The following MCTP1 variants were observed in gnomAD, a reference collection of about 807,000 sequenced individuals.
MCTP1 encodes multiple C2 and transmembrane domain-containing protein 1.
Under a neutral mutation model 120.6 loss-of-function variants are expected in MCTP1, and 69 were observed. The observed-to-expected ratio is 0.57, with a 90% CI of 0.47 to 0.70. The LOEUF is 0.70. Ranked by LOEUF, MCTP1 falls within the 30% of genes least tolerant of loss-of-function variation. The probability of loss-of-function intolerance (pLI) is 0.00; values close to 1 mark genes in which losing one functional copy is unlikely to be tolerated. For synonymous variants in MCTP1, 529 were observed against 493.1 expected (o/e 1.07, Z -0.96); for missense variants, 1,203 against 1,248.8 (o/e 0.96, Z 0.55).
At chr5:94,825,770 T>C (rs187793140) in intron 17 of MCTP1, among the ~76,000 whole-genome samples, 294 of 151,124 alleles carry the variant, frequency 1.9e-3, no homozygotes, top group African/African-American at 6.1e-3. Context: ...TATACATATA[T>C]ACACACACAC....
chr5:94,931,293 C>T (rs971218366), intron 6 of MCTP1: 5 of 151,950 alleles, frequency 3.3e-5, no homozygotes, highest in Non-Finnish European at 5.9e-5. Flanking sequence ...CAAGTAAAAT[C>T]GTTTTGATTT....
chr5:95,147,373 A>G (rs1760490358), intron 1 of MCTP1, among the ~76,000 whole-genome samples: 1 of 152,324 alleles, frequency 6.6e-6, no homozygotes, highest in Admixed American at 6.5e-5. Flanking sequence ...GGCGTGAGCC[A>G]CCGCGCCCAG....
intron 9 of MCTP1, among the ~76,000 whole-genome samples, chr5:94,911,899 A>T (rs2153441022): frequency 6.6e-6 from 1 of 152,336 alleles, no homozygotes; most frequent in African/African-American, 2.4e-5. Context: ...TGGACAAGGC[A>T]GTATTCTAAG....
intron 1 of MCTP1, among the ~76,000 whole-genome samples, chr5:95,268,453 T>C (rs1759085801): frequency 1.3e-5 from 2 of 152,138 alleles, no homozygotes; most frequent in Admixed American, 6.6e-5. Flanking sequence ...TGAGCAGATG[T>C]AGGGGATCGA....
chr5:94,890,976 G>A (rs1802453211), intron 11 of MCTP1, among the ~76,000 whole-genome samples: 2 of 152,134 alleles, frequency 1.3e-5, no homozygotes, highest in Non-Finnish European at 2.9e-5. Context: ...TGTTACTAGA[G>A]TAAAAAGCAT....
At chr5:95,056,167 G>T (rs1261890824) in intron 1 of MCTP1, among the ~76,000 whole-genome samples, 1 of 152,080 alleles carries the variant, frequency 6.6e-6, no homozygotes, top group Non-Finnish European at 1.5e-5. Context: ...GTTCTTTGTT[G>T]GCTTGAATTT....
chr5:94,711,538 G>C (rs137908844), intron 20 of MCTP1, among the ~76,000 whole-genome samples: 1 of 152,222 alleles, frequency 6.6e-6, no homozygotes, highest in Non-Finnish European at 1.5e-5. Context: ...CTTCCCAGAA[G>C]TACATAGATA....
At chr5:95,255,618 GAAC>G (rs1047079605) in intron 1 of MCTP1, among the ~76,000 whole-genome samples, 2 of 152,066 alleles carry the variant, frequency 1.3e-5, no homozygotes, top group African/African-American at 4.8e-5. Flanking sequence ...GATACACTGA[GAAC>G]AACTGAGAAG....
At position 95,017,031 on chromosome 5, in the gene MCTP1, C is replaced by A. The variant is rs1357438448; in HGVS notation, c.838+336G>T. Among the ~76,000 whole-genome samples the A allele has an allele frequency of 2.0e-5, 3 of 152,030 alleles. No homozygotes were observed. The East Asian group carries it at 5.8e-4, about 29-fold the overall frequency. ...TATAGCAAAAAGAATTTCAGGTCTA[C>A]CAAAAGGTAAGTTCTGACATGGCTT... On this transcript the variant is annotated intron_variant, in intron 2 of 22. Coordinates refer to ENST00000515393, the MANE Select transcript of MCTP1 (RefSeq NM_024717.7).
chr5:95,098,797 A>G (rs1194400730), intron 1 of MCTP1, among the ~76,000 whole-genome samples: 21 of 151,976 alleles, frequency 1.4e-4, no homozygotes, highest in Non-Finnish European at 2.7e-4. Context: ...GAACCAAAAA[A>G]GAGCCCACAT....
At chr5:95,062,850 C>T (rs912946094) in intron 1 of MCTP1, among the ~76,000 whole-genome samples, 1 of 152,024 alleles carries the variant, frequency 6.6e-6, no homozygotes, top group Non-Finnish European at 1.5e-5. Flanking sequence ...TAGGGTCTTG[C>T]TCTGTGGCTC....
rs770565652 is a variant in MCTP1, at chr5:94,912,925, A to G, written c.1402T>C (p.Trp468Arg). The G allele has an allele frequency of 6.2e-7, 1 of 1,604,838 alleles. No homozygotes were observed. Among genetic ancestry groups the G allele is most frequent in the South Asian group, 1.1e-5 (1 of 89,450 alleles). Reference sequence around the variant, plus strand: ...AAGGTGATGCTGACTATTCCTCTCCAAAGATGCGATTTTCTGTGTAGGTCT... The same window carrying G: ...AAGGTGATGCTGACTATTCCTCTCCGAAGATGCGATTTTCTGTGTAGGTCT... ...LSDLHRKSHL[W>R]RGIVSITLIE... Residue 468 changes from tryptophan to arginine, a missense_variant, in exon 9 of 23, where the codon TGG becomes CGG. By Grantham distance (101) the Trp-to-Arg change is moderately radical. Around this residue, in one of 2 missense-constraint regions of MCTP1, gnomAD observed 740 missense variants for 871.1 expected, o/e 0.85. Transcript: ENST00000515393.
intron 1 of MCTP1, among the ~76,000 whole-genome samples, chr5:95,183,162 T>A (rs1748807822): frequency 6.6e-6 from 1 of 152,110 alleles, no homozygotes; most frequent in African/African-American, 2.4e-5. Flanking sequence ...TAATTGATAT[T>A]TGTCAAATGT....
intron 1 of MCTP1, among the ~76,000 whole-genome samples, chr5:95,216,998 A>G (rs1481166227): frequency 2.0e-5 from 3 of 152,222 alleles, no homozygotes; most frequent in East Asian, 3.9e-4. Flanking sequence ...CAAAGGGTAT[A>G]TCACTAGCAG....
intron 1 of MCTP1, among the ~76,000 whole-genome samples, chr5:95,244,386 C>G (rs1756515817): frequency 6.6e-6 from 1 of 152,200 alleles, no homozygotes; most frequent in South Asian, 2.1e-4. Flanking sequence ...ATCACCTCAC[C>G]CGGGAAGCAC....
At position 95,156,907 on chromosome 5, in the gene MCTP1, C is replaced by T. The variant is rs185267140; in HGVS notation, c.720+126949G>A. 3.3e-5 allele frequency among the ~76,000 whole-genome samples: 5 copies of T among 152,152 alleles called. No homozygotes were observed. In the East Asian group the frequency reaches 7.7e-4, roughly 24 times the overall value. ...CTCAACATCTGATATATTGGTGAAA[C>T]GTTATTAATTCATATTTTCTCATGC... On this transcript the variant is annotated intron_variant, in intron 1 of 22. Coordinates refer to ENST00000515393, the MANE Select transcript of MCTP1 (RefSeq NM_024717.7).
chr5:94,805,305 GT>G (rs201410196), intron 17 of MCTP1, among the ~76,000 whole-genome samples: 10 of 151,134 alleles, frequency 6.6e-5, no homozygotes, highest in South Asian at 4.2e-4. Flanking sequence ...CAGAATGAGG[GT>G]TTTTTTTTGA....
chr5:94,901,225 G>C (rs1012580034), intron 10 of MCTP1, among the ~76,000 whole-genome samples: 10 of 152,164 alleles, frequency 6.6e-5, no homozygotes, highest in African/African-American at 2.4e-4. Flanking sequence ...GCAGGCAAGA[G>C]GGCATGTTCA....
chr5:94,791,128 A>G lies in MCTP1; in HGVS notation c.2556+7885T>C, dbSNP rs112009542. On this transcript the variant is annotated intron_variant, in intron 18 of 22. Coordinates refer to ENST00000515393, the MANE Select transcript of MCTP1 (RefSeq NM_024717.7). ...TCTCTACTACAAAAAAAAAAAAAAA[A>G]AAAAAGAAAAAAATACAAAAATTAG... Among the ~76,000 whole-genome samples, 282 of 146,140 alleles carry G rather than the reference A, an allele frequency of 1.9e-3. 1 individual carries two copies. Among genetic ancestry groups the G allele is most frequent in the African/African-American group, 7.3e-3 (268 of 36,854 alleles).
Sources: gnomAD v4.1 joint callset for allele counts (sites outside exome capture counted in the v4.1 genomes callset) on GRCh38, gnomAD v4.1.1 for gene constraint, gnomAD v4.1.1 regional missense constraint, MANE v1.5 for transcripts, NCBI Gene and HGNC (gene_info 2026-07-23, HGNC 2026-07-21) for gene names.